Variants in TEK observed in about 807,000 individuals in gnomAD.
The protein encoded by TEK is angiopoietin-1 receptor.
In TEK, 43 loss-of-function variants were observed where a neutral mutation model predicts 131.8. The observed-to-expected ratio is 0.33, with a 90% CI of 0.26 to 0.42. The LOEUF is 0.42. Among genes scored for constraint, TEK ranks in the 10% least tolerant of loss-of-function variants. The probability of loss-of-function intolerance (pLI) is 1.00; values close to 1 mark genes in which losing one functional copy is unlikely to be tolerated. For missense variants in TEK, 1,162 were observed against 1,384.4 expected (o/e 0.84, Z 2.55); for synonymous variants, 580 against 491.6 (o/e 1.18, Z -2.38).
intron 9 of TEK, 58 bp downstream of exon 9, chr9:27,185,687 G>C: frequency 6.2e-7 from 1 of 1,603,046 alleles, no homozygotes; most frequent in Non-Finnish European, 8.5e-7. Flanking sequence ...TTTTTGTATT[G>C]CTGCTTCTAG....
chr9:27,147,495 T>C (rs1162090283), intron 1 of TEK, among the ~76,000 whole-genome samples: 1 of 152,126 alleles, frequency 6.6e-6, no homozygotes, highest in African/African-American at 2.4e-5. Context: ...TTGCCAGATA[T>C]GTGATTAGCA....
intron 2 of TEK, among the ~76,000 whole-genome samples, chr9:27,159,628 T>A (rs1346610522): frequency 6.6e-6 from 1 of 152,232 alleles, no homozygotes; most frequent in Non-Finnish European, 1.5e-5. Context: ...AAGGTGATGA[T>A]GTGATGAAGT....
Position 27,185,576 on chromosome 9 carries a change from G to A in TEK, c.1274G>A (p.Ser425Asn), listed in dbSNP as rs774742672. ...CCTGACTCAGGAGTTTGGGTCTGCA[G>A]TGTGAACACAGTGGCTGGGATGGTG... is the stretch of plus-strand genomic sequence containing the variant. ...LPPDSGVWVCSVNTVAGMVEK... is the reference protein window; with the variant it reads ...LPPDSGVWVCNVNTVAGMVEK... The change falls in exon 9 of 23, where the codon AGT becomes AAT. Residue 425 changes from serine (S) to asparagine (N), a missense_variant. This residue lies in a region of TEK where 436 missense variants were observed against 539.1 expected (regional missense o/e 0.81). Transcript: ENST00000380036. 22 of 1,613,760 alleles carry A rather than the reference G, an allele frequency of 1.4e-5. No individual in the cohort carries two copies. Among genetic ancestry groups the A allele is most frequent in the African/African-American group, 2.7e-5 (2 of 74,894 alleles).
chr9:27,203,501 G>A (rs2131208541), intron 13 of TEK, among the ~76,000 whole-genome samples: 1 of 152,092 alleles, frequency 6.6e-6, no homozygotes, highest in East Asian at 1.9e-4. Context: ...CCTTTTTTTA[G>A]CTTGGATGAC....
At chr9:27,128,613 GGA>G (rs1344757463) in intron 1 of TEK, among the ~76,000 whole-genome samples, 1 of 152,180 alleles carries the variant, frequency 6.6e-6, no homozygotes, top group African/African-American at 2.4e-5. Context: ...CCATGAGCAT[GGA>G]ATGTTTTTCC....
chr9:27,191,842 C>T, intron 10 of TEK: 1 of 425,072 alleles, frequency 2.4e-6, no homozygotes, highest in South Asian at 1.7e-5. Context: ...ACAAAGTGGT[C>T]TTCTAAGAAC....
chr9:27,179,797 C>T (rs886529654), intron 6 of TEK, among the ~76,000 whole-genome samples: 2 of 152,194 alleles, frequency 1.3e-5, no homozygotes, highest in African/African-American at 4.8e-5. Context: ...TTTCCTGACT[C>T]TGTCTCTGAT....
chr9:27,197,215 A>G, intron 11 of TEK, 100 bp from the exon 12 acceptor site: 1 of 1,357,206 alleles, frequency 7.4e-7, no homozygotes, highest in Admixed American at 1.8e-5. Context: ...CCCCACCTCC[A>G]ACACTGGGGA....
intron 1 of TEK, among the ~76,000 whole-genome samples, chr9:27,142,289 G>A (rs778476369): frequency 2.0e-5 from 3 of 152,242 alleles, no homozygotes; most frequent in Non-Finnish European, 4.4e-5. Flanking sequence ...GAGAAAGAGT[G>A]AAGGTTGAGA....
intron 21 of TEK, among the ~76,000 whole-genome samples, chr9:27,225,808 G>A (rs1022587673): frequency 6.6e-6 from 1 of 152,080 alleles, no homozygotes; most frequent in Admixed American, 6.6e-5. Flanking sequence ...GCAACCTACA[G>A]AATGGGAGAA....
At chr9:27,217,782 G>A (rs762942370) in intron 19 of TEK, 24 bp downstream of exon 19, 1 of 1,510,606 alleles carries the variant, frequency 6.6e-7, no homozygotes, top group African/African-American at 2.5e-5. Context: ...TTATTGCCAA[G>A]GGATTTTTTT....
chr9:27,155,477 T>C (rs1378503210), intron 1 of TEK, among the ~76,000 whole-genome samples: 1 of 152,242 alleles, frequency 6.6e-6, no homozygotes. Context: ...ACACGAAGAC[T>C]TGACTTTGAA....
At chr9:27,166,086 A>C (rs568111877) in intron 2 of TEK, among the ~76,000 whole-genome samples, 1 of 152,386 alleles carries the variant, frequency 6.6e-6, no homozygotes, top group East Asian at 1.9e-4. Flanking sequence ...CAGCTGGTTC[A>C]TCACAAGGTC....
intron 1 of TEK, among the ~76,000 whole-genome samples, chr9:27,138,237 G>C (rs889158520): frequency 2.8e-4 from 43 of 152,346 alleles, no homozygotes; most frequent in African/African-American, 5.1e-4. Flanking sequence ...GGATCTGAGC[G>C]GGTTGCCGCT....
chr9:27,158,014 C>G lies in TEK; in HGVS notation c.236C>G (p.Thr79Ser), dbSNP rs1332500045. Residue 79 changes from threonine (T) to serine (S), a missense_variant, in exon 2 of 23, where the codon ACC (threonine) becomes AGC (serine). Transcript: ENST00000380036. ...CCGCTGGAAGTTACTCAAGATGTGA[C>G]CAGAGAATGGGCTAAAAAAGTTGTT... ...QDPLEVTQDVTREWAKKVVWK... is the reference protein window; with the variant it reads ...QDPLEVTQDVSREWAKKVVWK... 5 of 1,613,900 alleles carry G rather than the reference C, an allele frequency of 3.1e-6. No homozygotes were observed. The highest frequency in any genetic ancestry group is 4.2e-6 in the Non-Finnish European group (5 of 1,179,970).
chr9:27,217,684 C>G lies in TEK; in HGVS notation c.2992-4C>G. On this transcript the variant is annotated splice_region_variant and splice_polypyrimidine_tract_variant and intron_variant, in intron 18 of 22. Transcript: ENST00000380036. Reference sequence around the variant, plus strand: ...TAAGTGAAATCTCACTTTGTTCTCTCCAGGGAAGGCTCCCAGTGCGCTGGA... The same window carrying G: ...TAAGTGAAATCTCACTTTGTTCTCTGCAGGGAAGGCTCCCAGTGCGCTGGA... 1 of 1,613,594 alleles carries G rather than the reference C, an allele frequency of 6.2e-7. No homozygotes were observed. Among genetic ancestry groups the G allele is most frequent in the Non-Finnish European group, 8.5e-7 (1 of 1,179,588 alleles).
At chr9:27,125,342 G>T (rs1299733959) in intron 1 of TEK, among the ~76,000 whole-genome samples, 1 of 152,202 alleles carries the variant, frequency 6.6e-6, no homozygotes, top group Non-Finnish European at 1.5e-5. Flanking sequence ...GCTGCTTCTG[G>T]AATCAAACAA....
In TEK at chr9:27,173,191, C is replaced by T. The variant is rs755790582; in HGVS notation, c.761-31C>T. ...GTATTTCAAGGGGTTGCATATTTGA[C>T]TCTGAATCATCTTTTCTTTTCCTCC... On this transcript the variant is annotated intron_variant, in intron 5 of 22. Coordinates refer to ENST00000380036, the MANE Select transcript of TEK (RefSeq NM_000459.5). 3.1e-6 allele frequency: 5 copies of T among 1,613,724 alleles called. No homozygotes were observed. In the South Asian group the frequency reaches 5.5e-5, roughly 18 times the overall value.
At chr9:27,139,069 C>T (rs1822617617) in intron 1 of TEK, among the ~76,000 whole-genome samples, 2 of 151,452 alleles carry the variant, frequency 1.3e-5, no homozygotes, top group Non-Finnish European at 2.9e-5. Flanking sequence ...ATTAGTTGGG[C>T]ATGGTGGTGG....
Sources: allele counts gnomAD v4.1 joint callset (sites outside exome capture counted in the v4.1 genomes callset), GRCh38; gene constraint gnomAD v4.1.1; regional missense constraint gnomAD v4.1.1; transcripts MANE v1.5; gene names NCBI Gene and HGNC (gene_info 2026-07-23, HGNC 2026-07-21).